HAPLN3: variants seen among roughly 807,000 people sequenced by gnomAD.
HAPLN3 encodes the protein extracellular link domain containing, 1.
HAPLN3 carries 28 observed loss-of-function variants against 28.1 expected under a neutral mutation model. The ratio of observed to expected loss-of-function variants is 1.00; its 90% CI spans 0.74 to 1.37. The LOEUF is 1.37. Among genes scored for constraint, HAPLN3 ranks in the 40% most tolerant of loss-of-function variants. The pLI, the probability that HAPLN3 is intolerant of heterozygous loss-of-function variation, is 0.00. For missense variants in HAPLN3, 513 were observed against 504.6 expected, an observed-to-expected ratio of 1.02 and a Z score of -0.16; for synonymous variants, 211 against 213.1, an observed-to-expected ratio of 0.99 and a Z score of 0.09.
At chr15:88,886,913 G>T (rs964012564) in intron 2 of HAPLN3, among the ~76,000 whole-genome samples, 1 of 152,226 alleles carries the variant, frequency 6.6e-6, no homozygotes, top group African/African-American at 2.4e-5. Flanking sequence ...ACACATTCAA[G>T]CTGGACCTTG....
At chr15:88,878,915 G>T in intron 4 of HAPLN3, 52 bp downstream of exon 4, 1 of 1,524,030 alleles carries the variant, frequency 6.6e-7, no homozygotes, top group Non-Finnish European at 8.8e-7. Context: ...CCCTCTCACA[G>T]GTCCCAGGTG....
chr15:88,882,998 C>T (rs1213867879), intron 2 of HAPLN3, among the ~76,000 whole-genome samples: 1 of 152,110 alleles, frequency 6.6e-6, no homozygotes, highest in African/African-American at 2.4e-5. Context: ...GAGCAAGACT[C>T]TGTTGCCAAA....
At chr15:88,884,771 A>G (rs1265997372) in intron 2 of HAPLN3, among the ~76,000 whole-genome samples, 1 of 152,020 alleles carries the variant, frequency 6.6e-6, no homozygotes, top group Non-Finnish European at 1.5e-5. Flanking sequence ...GCAAATGCGC[A>G]AGTACCTGTT....
intron 2 of HAPLN3, among the ~76,000 whole-genome samples, chr15:88,886,801 G>T (rs909449666): frequency 6.6e-6 from 1 of 152,170 alleles, no homozygotes; most frequent in Non-Finnish European, 1.5e-5. Flanking sequence ...CTCCAGCCTC[G>T]GCAACAGAGT....
intron 1 of HAPLN3, among the ~76,000 whole-genome samples, chr15:88,893,946 T>TG (rs1387711499): frequency 1.0e-4 from 8 of 77,040 alleles, no homozygotes; most frequent in South Asian, 5.7e-4. Context: ...AAAAAAAAGT[T>TG]GGGGTGGGGG....
At position 88,880,293 on chromosome 15, in the gene HAPLN3, T is replaced by A. The variant is rs902892011; in HGVS notation, c.494-1024A>T. The A allele has an allele frequency of 6.6e-6, 7 of 1,060,004 alleles. No individual in the cohort carries two copies. The highest frequency in any genetic ancestry group is 3.4e-5 in the African/African-American group (2 of 58,554). 65.7% of individuals were successfully genotyped at this position (1,060,004 alleles called of 1,614,324 possible). A position where few individuals can be genotyped will look rare whatever the true frequency, so the allele number is the denominator to read the frequency against. ...ATGACTCTTGCAGGTTCTCCCCAAC[T>A]CCACTGCCACCCCAACTTCAAGAAT... On this transcript the variant is annotated intron_variant, in intron 3 of 4. Transcript: ENST00000359595. This position sits in a 1 kb window ranked among gnomAD's most constrained non-coding sequence, Gnocchi z 6.0.
Position 88,878,234 on chromosome 15 carries a change from G to T in HAPLN3, c.819C>A (p.His273Gln). The change falls in exon 5 of 5, where the codon CAC becomes CAA. Residue 273 changes from histidine to glutamine, a missense_variant. Physicochemically the swap from His to Gln is conservative, Grantham distance 24. Coordinates refer to ENST00000359595, the MANE Select transcript of HAPLN3 (RefSeq NM_178232.4). ...ALKGRVYYLE[H>Q]PEKLTLTEAR... is the part of the protein sequence containing the mutation. ...CCTCTGTCAGCGTCAGCTTCTCAGG[G>T]TGCTCCAGGTAGTACACCCGCCCTG... The T allele has an allele frequency of 6.2e-7, 1 of 1,613,604 alleles. No individual in the cohort carries two copies. The highest frequency in any genetic ancestry group is 8.5e-7 in the Non-Finnish European group (1 of 1,179,692).
Position 88,888,022 on chromosome 15 carries a change from G to A in HAPLN3, c.-47-677C>T, listed in dbSNP as rs1157168009. 2.0e-5 allele frequency among the ~76,000 whole-genome samples: 3 copies of A among 151,588 alleles called. No homozygotes were observed. Among genetic ancestry groups the A allele is most frequent in the African/African-American group, 4.8e-5 (2 of 41,274 alleles). ...GGTATGAGCAGCACTTTTTAATGAC[G>A]CCAAATAAACTAGACTAGAATAGAA... On this transcript the variant is annotated intron_variant, in intron 1 of 4. Coordinates refer to ENST00000359595, the MANE Select transcript of HAPLN3 (RefSeq NM_178232.4). This position sits in a 1 kb window ranked among gnomAD's most constrained non-coding sequence, Gnocchi z 4.1.
rs930622498 is a variant in HAPLN3 at position 88,888,685 on chromosome 15, T to A, written c.-47-1340A>T. ...GATGGGGTCACTCCTTGAAGGAGCT[T>A]GGTCCAGGGAGGGGGCAGAGTCGTG... On this transcript the variant is annotated intron_variant, in intron 1 of 4. Coordinates refer to ENST00000359595, the MANE Select transcript of HAPLN3 (RefSeq NM_178232.4). This position sits in a 1 kb window ranked among gnomAD's most constrained non-coding sequence, Gnocchi z 4.1. 2.6e-5 allele frequency among the ~76,000 whole-genome samples: 4 copies of A among 152,106 alleles called. No individual in the cohort carries two copies. Among genetic ancestry groups the A allele is most frequent in the African/African-American group, 9.7e-5 (4 of 41,404 alleles).
chr15:88,893,568 T>G (rs1159122124), intron 1 of HAPLN3, among the ~76,000 whole-genome samples: 1 of 152,092 alleles, frequency 6.6e-6, no homozygotes, highest in Non-Finnish European at 1.5e-5. Flanking sequence ...CTCCACCCAC[T>G]TACTAACCCT....
chr15:88,889,107 C>T (rs1897942150), intron 1 of HAPLN3, among the ~76,000 whole-genome samples: 1 of 152,214 alleles, frequency 6.6e-6, no homozygotes, highest in Admixed American at 6.5e-5. Context: ...CCCAGTGCCT[C>T]TGCCATAGAG....
chr15:88,879,652 G>A lies in HAPLN3; in HGVS notation c.494-383C>T. ...TCCCAGCTCCCCACTCGTTAGCTGG[G>A]ACCCGATCGTCTACGTTATTATGAA... is the stretch of plus-strand genomic sequence containing the variant. On this transcript the variant is annotated intron_variant, in intron 3 of 4. Transcript: ENST00000359595. The surrounding 1 kb of genome is among the most constrained non-coding windows in gnomAD (Gnocchi z 5.0). 1 of 1,221,734 alleles carries A rather than the reference G, an allele frequency of 8.2e-7. No individual in the cohort carries two copies. The highest frequency in any genetic ancestry group is 1.0e-6 in the Non-Finnish European group (1 of 961,826). The allele number at this position is 1,221,734 out of a possible 1,614,324, so 75.7% of individuals were successfully genotyped here. A position where few individuals can be genotyped will look rare whatever the true frequency, so the allele number is the denominator to read the frequency against.
chr15:88,892,991 C>T (rs1406427854), intron 1 of HAPLN3: 1 of 1,535,530 alleles, frequency 6.5e-7, no homozygotes, highest in Non-Finnish European at 8.7e-7. Flanking sequence ...GTGGATAGTT[C>T]CCCAAATCTT....
In HAPLN3 at chr15:88,888,281, C is replaced by T. The variant is rs528371476; in HGVS notation, c.-47-936G>A. Among the ~76,000 whole-genome samples the T allele has an allele frequency of 3.3e-5, 5 of 151,978 alleles. No individual in the cohort carries two copies. The highest frequency in any genetic ancestry group is 4.8e-5 in the African/African-American group (2 of 41,470). On this transcript the variant is annotated intron_variant, in intron 1 of 4. Coordinates refer to ENST00000359595, the MANE Select transcript of HAPLN3 (RefSeq NM_178232.4). This position sits in a 1 kb window ranked among gnomAD's most constrained non-coding sequence, Gnocchi z 4.1. ...TAATTTTTTGTAATTTTAGTACAGA[C>T]GGGGTTTCACCGCGTTAGCCAGGAT... is the stretch of plus-strand genomic sequence containing the variant.
chr15:88,891,304 GT>G (rs1297980818), intron 1 of HAPLN3, among the ~76,000 whole-genome samples: 1 of 148,058 alleles, frequency 6.8e-6, no homozygotes, highest in Non-Finnish European at 1.5e-5. Context: ...TTTTATTTTT[GT>G]TTTTGTTTTG....
Position 88,877,888 on chromosome 15 carries a change from T to C in HAPLN3, c.*82A>G. On this transcript the variant is annotated 3_prime_UTR_variant, in exon 5 of 5. Coordinates refer to ENST00000359595, the MANE Select transcript of HAPLN3 (RefSeq NM_178232.4). The surrounding 1 kb of genome is among the most constrained non-coding windows in gnomAD (Gnocchi z 5.1). ...TTGAGAAGTATAAAAACAGTTAAAATGGCTCCAACCCACAAGGGAAAACGA... is the reference window on the plus strand; with the variant it reads ...TTGAGAAGTATAAAAACAGTTAAAACGGCTCCAACCCACAAGGGAAAACGA... 1.5e-6 allele frequency: 2 copies of C among 1,349,422 alleles called. No individual in the cohort carries two copies. The highest frequency in any genetic ancestry group is 1.0e-6 in the Non-Finnish European group (1 of 989,958). 83.6% of individuals were successfully genotyped at this position (1,349,422 alleles called of 1,614,324 possible). A position where few individuals can be genotyped will look rare whatever the true frequency, so the allele number is the denominator to read the frequency against.
Position 88,879,615 on chromosome 15 carries a change from G to A in HAPLN3, c.494-346C>T, listed in dbSNP as rs1227826990. 14 of 1,283,396 alleles carry A rather than the reference G, an allele frequency of 1.1e-5. No homozygotes were observed. Among genetic ancestry groups the A allele is most frequent in the Non-Finnish European group, 1.4e-5 (14 of 993,258 alleles). The allele number at this position is 1,283,396 out of a possible 1,614,324, so 79.5% of individuals were successfully genotyped here. ...CAGGCCCGGGCTTTGGGCTCTAGGG[G>A]CCAGGTTTGACTCCCAGCTCCCCAC... On this transcript the variant is annotated intron_variant, in intron 3 of 4. Transcript: ENST00000359595. The surrounding 1 kb of genome is among the most constrained non-coding windows in gnomAD (Gnocchi z 5.0).
At chr15:88,878,385 G>C (rs1457890700) in intron 4 of HAPLN3, 129 bp from the exon 5 acceptor site, 1 of 821,372 alleles carries the variant, frequency 1.2e-6, no homozygotes, top group African/African-American at 1.7e-5. Context: ...GGCATCTGCA[G>C]AGAACACTTT....
At chr15:88,890,379 T>C (rs989006009) in intron 1 of HAPLN3, among the ~76,000 whole-genome samples, 2 of 152,178 alleles carry the variant, frequency 1.3e-5, no homozygotes, top group Non-Finnish European at 2.9e-5. Flanking sequence ...CTAAGCACAA[T>C]GGGGCAACCT....
Sources: allele counts gnomAD v4.1 joint callset (sites outside exome capture counted in the v4.1 genomes callset), GRCh38; gene constraint gnomAD v4.1.1; non-coding constraint Gnocchi (gnomAD v3.1); transcripts MANE v1.5; gene names NCBI Gene and HGNC (gene_info 2026-07-23, HGNC 2026-07-21).